Variants in MARCHF6 observed in about 807,000 individuals in gnomAD.
MARCHF6 encodes membrane associated ring-CH-type finger 6, also known as E3 ubiquitin-protein ligase MARCHF6.
A neutral mutation model predicts 133.7 loss-of-function variants in MARCHF6; 31 were observed. That is an observed-to-expected ratio of 0.23 (90% CI 0.17 to 0.31). The LOEUF is 0.31. MARCHF6 is among the 10% of genes least tolerant of loss of function. The pLI is 1.00. For missense variants in MARCHF6, 723 were observed against 1,121.6 expected (o/e 0.64, Z 5.08); for synonymous variants, 395 against 402.5 (o/e 0.98, Z 0.22).
rs547507832 is a variant in MARCHF6, at chr5:10,373,354, G to A, written c.20-4444G>A. Among the ~76,000 whole-genome samples the A allele has an allele frequency of 2.5e-4, 38 of 152,222 alleles. 2 individuals carry two copies. The South Asian group carries it at 7.7e-3, about 31-fold the overall frequency. On this transcript the variant is annotated intron_variant, in intron 1 of 25. Coordinates refer to ENST00000274140, the MANE Select transcript of MARCHF6 (RefSeq NM_005885.4). Reference sequence around the variant, plus strand: ...TCTCTCTCCCCACTCCACCTGTCCTGTTCCACCATTCGCTAGCTGGCCATC... The same window carrying A: ...TCTCTCTCCCCACTCCACCTGTCCTATTCCACCATTCGCTAGCTGGCCATC...
chr5:10,397,441 GAAAT>G (rs750708296), intron 10 of MARCHF6, 97 bp downstream of exon 10: 59 of 905,420 alleles, frequency 6.5e-5, no homozygotes, highest in Non-Finnish European at 9.3e-5. Flanking sequence ...TTTTAACATA[GAAAT>G]AAATACTAAG....
Position 10,403,433 on chromosome 5 carries a change from T to C in MARCHF6, c.1224T>C (p.Asp408=), listed in dbSNP as rs1738671356. 1 of 1,613,962 alleles carries C rather than the reference T, an allele frequency of 6.2e-7. No homozygotes were observed. Among genetic ancestry groups the C allele is most frequent in the East Asian group, 2.2e-5 (1 of 44,870 alleles). The change falls in exon 15 of 26, where the codon GAT becomes GAC. Residue 408 remains aspartate, a synonymous_variant. Coordinates refer to ENST00000274140, the MANE Select transcript of MARCHF6 (RefSeq NM_005885.4). ...SLEMFDATLK[D]RELSFQSAPG... ...AAATGTTTGATGCTACTCTGAAAGATCGAGAACTGAGCTTTCAGTCGGCTC... is the reference window on the plus strand; with the variant it reads ...AAATGTTTGATGCTACTCTGAAAGACCGAGAACTGAGCTTTCAGTCGGCTC...
intron 22 of MARCHF6, among the ~76,000 whole-genome samples, chr5:10,420,947 C>T (rs1412553475): frequency 1.3e-5 from 2 of 152,210 alleles, no homozygotes; most frequent in Non-Finnish European, 2.9e-5. Context: ...CCCCAAATCC[C>T]TAACATAAGC....
chr5:10,376,460 C>G (rs1409408451), intron 1 of MARCHF6, among the ~76,000 whole-genome samples: 2 of 152,324 alleles, frequency 1.3e-5, no homozygotes, highest in Admixed American at 6.5e-5. Flanking sequence ...TAACACTCAC[C>G]GCGAGGGTCC....
At chr5:10,356,543 G>T (rs553578001) in intron 1 of MARCHF6, among the ~76,000 whole-genome samples, 20 of 151,750 alleles carry the variant, frequency 1.3e-4, no homozygotes, top group Admixed American at 4.6e-4. Context: ...TTACAGGAGC[G>T]CGCCACCTCC....
At chr5:10,414,318 C>G in intron 19 of MARCHF6, 115 bp from the exon 20 acceptor site, 1 of 606,264 alleles carries the variant, frequency 1.6e-6, no homozygotes, top group Non-Finnish European at 2.9e-6. Flanking sequence ...TGCAGGAAAC[C>G]TGGCAACGCA....
At chr5:10,354,056 C>T in intron 1 of MARCHF6, 139 bp downstream of exon 1, 1 of 824,350 alleles carries the variant, frequency 1.2e-6, no homozygotes, top group Non-Finnish European at 1.7e-6. Context: ...CGCTGGGCCT[C>T]TGGGCCGGGG....
intron 19 of MARCHF6, among the ~76,000 whole-genome samples, chr5:10,414,060 C>T (rs1739372984): frequency 1.3e-5 from 2 of 152,266 alleles, no homozygotes; most frequent in Middle Eastern, 3.4e-3. Flanking sequence ...CAGATCTAGA[C>T]ATTTCTGTCA....
chr5:10,427,223 TG>T (rs1740134160), intron 24 of MARCHF6, among the ~76,000 whole-genome samples: 2 of 152,250 alleles, frequency 1.3e-5, no homozygotes, highest in Non-Finnish European at 2.9e-5. Context: ...TCCTGACTTT[TG>T]TTGAGTCATT....
chr5:10,374,801 C>G (rs781494202), intron 1 of MARCHF6, among the ~76,000 whole-genome samples: 1 of 152,138 alleles, frequency 6.6e-6, no homozygotes, highest in African/African-American at 2.4e-5. Context: ...CCCTTTGGGT[C>G]GTGGTAGGGG....
chr5:10,374,526 A>C (rs959350082), intron 1 of MARCHF6, among the ~76,000 whole-genome samples: 1 of 151,976 alleles, frequency 6.6e-6, no homozygotes, highest in African/African-American at 2.4e-5. Context: ...GCGTGGTTCT[A>C]TTTTGTTTGT....
chr5:10,412,715 AT>A (rs1362750354), intron 19 of MARCHF6, among the ~76,000 whole-genome samples: 2 of 152,166 alleles, frequency 1.3e-5, no homozygotes, highest in African/African-American at 4.8e-5. Context: ...AGCTGGGACC[AT>A]GGGTGCATGC....
At chr5:10,372,022 A>C (rs1358886411) in intron 1 of MARCHF6, among the ~76,000 whole-genome samples, 1 of 151,950 alleles carries the variant, frequency 6.6e-6, no homozygotes, top group Non-Finnish European at 1.5e-5. Context: ...CTCCTCATAG[A>C]TATTTCAAAA....
chr5:10,377,249 T>C (rs1222015601), intron 1 of MARCHF6, among the ~76,000 whole-genome samples: 1 of 152,052 alleles, frequency 6.6e-6, no homozygotes, highest in African/African-American at 2.4e-5. Context: ...GGCTTTGGGG[T>C]ATCCCCTCCC....
chr5:10,358,469 T>C (rs529946464), intron 1 of MARCHF6, among the ~76,000 whole-genome samples: 1 of 152,270 alleles, frequency 6.6e-6, no homozygotes, highest in East Asian at 1.9e-4. Context: ...TGGAAAAAAA[T>C]AGATGATTAC....
At chr5:10,389,498 G>A (rs1283789272) in intron 5 of MARCHF6, among the ~76,000 whole-genome samples, 1 of 152,078 alleles carries the variant, frequency 6.6e-6, no homozygotes, top group Non-Finnish European at 1.5e-5. Flanking sequence ...CGCCTCCTGG[G>A]TTCAAGCGAT....
chr5:10,424,646 CAA>C (rs1739992371), intron 23 of MARCHF6, among the ~76,000 whole-genome samples: 1 of 152,010 alleles, frequency 6.6e-6, no homozygotes, highest in Admixed American at 6.5e-5. Flanking sequence ...ATAGTGGAGA[CAA>C]AAATGAAAAT....
At position 10,433,429 on chromosome 5, in the gene MARCHF6, A is replaced by G. The variant is rs545020837; in HGVS notation, c.2643-165A>G. Among the ~76,000 whole-genome samples the G allele has an allele frequency of 9.2e-5, 14 of 152,286 alleles. No homozygotes were observed. The South Asian group carries it at 1.2e-3, about 14-fold the overall frequency. On this transcript the variant is annotated intron_variant, in intron 25 of 25. Transcript: ENST00000274140. ...TGCTTCTGCAGCTTCCTACAAACCCATACCTAGGTAGATGTGTCAGCCTTT... is the reference window on the plus strand; with the variant it reads ...TGCTTCTGCAGCTTCCTACAAACCCGTACCTAGGTAGATGTGTCAGCCTTT...
chr5:10,403,656 A>G lies in MARCHF6; in HGVS notation c.1332+115A>G, dbSNP rs1579588190. The G allele has an allele frequency of 6.4e-6, 6 of 935,142 alleles. No homozygotes were observed. In the East Asian group the frequency reaches 1.3e-4, roughly 21 times the overall value. 57.9% of individuals were successfully genotyped at this position (935,142 alleles called of 1,614,324 possible). The stretch of plus-strand genomic sequence containing the variant: ...TCCTACCTAAATCATATTCTCTACT[A>G]TTTTATTCTAAGAGGGAATAACTTA... On this transcript the variant is annotated intron_variant, in intron 15 of 25. Coordinates refer to ENST00000274140, the MANE Select transcript of MARCHF6 (RefSeq NM_005885.4).
Sources: gnomAD v4.1 joint callset for allele counts (sites outside exome capture counted in the v4.1 genomes callset) on GRCh38, gnomAD v4.1.1 for gene constraint, MANE v1.5 for transcripts, NCBI Gene and HGNC (gene_info 2026-07-23, HGNC 2026-07-21) for gene names.